Variants in EIF2B1 observed in about 807,000 individuals in gnomAD.
EIF2B1 encodes translation initiation factor eIF2B subunit alpha.
Under a neutral mutation model 36.8 loss-of-function variants are expected in EIF2B1, and 30 were observed. That is an observed-to-expected ratio of 0.81 (90% CI 0.61 to 1.10). EIF2B1 has a LOEUF of 1.10. EIF2B1 is among the 50% of genes least tolerant of loss of function. The pLI, the probability that EIF2B1 is intolerant of heterozygous loss-of-function variation, is 0.00. For synonymous variants in EIF2B1, 139 were observed against 142.2 expected (o/e 0.98, Z 0.16); for missense variants, 271 against 374.8 (o/e 0.72, Z 2.29).
rs1955059112 is a variant in EIF2B1, at chr12:123,620,585, TA to T, written c.*1170del. On this transcript the variant is annotated 3_prime_UTR_variant, in exon 9 of 9. Coordinates refer to ENST00000424014, the MANE Select transcript of EIF2B1 (RefSeq NM_001414.4). ...CATATAGACATATGTACATATTATA[TA>T]TATATATATATATATATATATATAT... is the stretch of plus-strand genomic sequence containing the variant. The T allele has an allele frequency of 1.1e-4, 4 of 35,956 alleles. No individual in the cohort carries two copies. In the South Asian group the frequency reaches 2.9e-3, roughly 26 times the overall value. 2.2% of individuals were successfully genotyped at this position (35,956 alleles called of 1,614,324 possible). A position where few individuals can be genotyped will look rare whatever the true frequency, so the allele number is the denominator to read the frequency against.
At chr12:123,624,139 A>T (rs1566214642) in intron 7 of EIF2B1, among the ~76,000 whole-genome samples, 1 of 148,770 alleles carries the variant, frequency 6.7e-6, no homozygotes, top group African/African-American at 2.5e-5. Context: ...TTGTGTATAT[A>T]TATTATGTGT....
In EIF2B1 at chr12:123,626,394, G is replaced by A. The variant is rs375884336; in HGVS notation, c.551+31C>T. 11 of 1,613,606 alleles carry A rather than the reference G, an allele frequency of 6.8e-6. No homozygotes were observed. The African/African-American group carries it at 9.3e-5, about 14-fold the overall frequency. ...TGTAAGCCAGCATGGGGTGGGGGAG[G>A]TGATTATGGCTGGGGAAGATGGGCA... On this transcript the variant is annotated intron_variant, in intron 6 of 8. Transcript: ENST00000424014.
intron 8 of EIF2B1, 73 bp downstream of exon 8, chr12:123,622,563 C>T: frequency 6.3e-7 from 1 of 1,599,928 alleles, no homozygotes; most frequent in Non-Finnish European, 8.5e-7. Context: ...ATTACTGGAA[C>T]ATTCTTAGGA....
intron 4 of EIF2B1, among the ~76,000 whole-genome samples, chr12:123,629,215 G>A (rs547696783): frequency 1.3e-5 from 2 of 152,288 alleles, no homozygotes; most frequent in East Asian, 3.9e-4. Context: ...GCAAAAGGAC[G>A]TATGCTGGTG....
Position 123,620,712 on chromosome 12 carries a change from T to C in EIF2B1, c.*1044A>G, listed in dbSNP as rs113933929. The C allele has an allele frequency of 6.7e-6, 1 of 148,616 alleles. No homozygotes were observed. The highest frequency in any genetic ancestry group is 2.5e-5 in the African/African-American group (1 of 40,610). The allele number at this position is 148,616 out of a possible 1,614,324, so 9.2% of individuals were successfully genotyped here. On this transcript the variant is annotated 3_prime_UTR_variant, in exon 9 of 9. Transcript: ENST00000424014. ...TCTTGACTTCTGATTTTCAAAACCA[T>C]TCCTCAGTATCTTCAGGCATTTGAC...
At chr12:123,622,800 G>A (rs1218520520) in intron 7 of EIF2B1, 39 bp from the exon 8 acceptor site, 1 of 1,611,516 alleles carries the variant, frequency 6.2e-7, no homozygotes, top group Non-Finnish European at 8.5e-7. Context: ...GCTCTAGAGT[G>A]CATCTGAAGT....
chr12:123,631,056 A>C (rs944926684), intron 2 of EIF2B1, among the ~76,000 whole-genome samples: 3 of 152,236 alleles, frequency 2.0e-5, no homozygotes, highest in African/African-American at 4.8e-5. Context: ...GGGGATCACA[A>C]TAAATAATAC....
intron 4 of EIF2B1, among the ~76,000 whole-genome samples, chr12:123,628,335 A>G (rs1283936325): frequency 6.7e-6 from 1 of 148,544 alleles, no homozygotes; most frequent in Non-Finnish European, 1.5e-5. Flanking sequence ...AAGCCACCAC[A>G]GTAGGCCCAT....
At chr12:123,627,206 TCACACCCTCTGCACTGCGG>T (rs1473434841) in intron 4 of EIF2B1, 50 bp from the exon 5 acceptor site, 3 of 1,434,354 alleles carry the variant, frequency 2.1e-6, no homozygotes, top group Admixed American at 1.7e-5. Flanking sequence ...TGCTGCTCAC[TCACACCCTCTGCACTGCGG>T]CACGTGTTCC....
At chr12:123,628,717 C>A (rs1483567512) in intron 4 of EIF2B1, among the ~76,000 whole-genome samples, 1 of 152,082 alleles carries the variant, frequency 6.6e-6, no homozygotes, top group Admixed American at 6.6e-5. Flanking sequence ...GACAAGGGGG[C>A]AGAACCAGCT....
intron 6 of EIF2B1, 34 bp downstream of exon 6, chr12:123,626,391 G>A: frequency 6.2e-7 from 1 of 1,613,448 alleles, no homozygotes. Context: ...TGGGGTGGGG[G>A]AGGTGATTAT....
At chr12:123,626,223 C>T in intron 6 of EIF2B1, 2 of 612,810 alleles carry the variant, frequency 3.3e-6, no homozygotes, top group South Asian at 3.9e-5. Flanking sequence ...CCCACTCTCC[C>T]CAACATCCTA....
chr12:123,630,246 CT>C lies in EIF2B1; in HGVS notation c.291del (p.Glu98AsnfsTer29). The C allele has an allele frequency of 6.2e-7, 1 of 1,614,118 alleles. No homozygotes were observed. The highest frequency in any genetic ancestry group is 8.5e-7 in the Non-Finnish European group (1 of 1,180,042). On this transcript the variant is annotated frameshift_variant, in exon 4 of 9. Coordinates refer to ENST00000424014, the MANE Select transcript of EIF2B1 (RefSeq NM_001414.4). LOFTEE classifies it high-confidence loss of function. This position sits in a 1 kb window ranked among gnomAD's most constrained non-coding sequence, Gnocchi z 4.6. ...AGTGATATTCTCCTGAGAAAAAGTT[CT>C]CCCCGCTCAATCATGATCTTTTTAC... ...SKCKKIMIER[G>X]ELFLRRISLS...
rs1955180785 is a variant in EIF2B1, at chr12:123,630,635, T to C, written c.116-102A>G. ...ATTCAGTGAATATTTACTAGGTACA[T>C]ACTATATACCAGGCACTATTCTAGA... On this transcript the variant is annotated intron_variant, in intron 2 of 8. Coordinates refer to ENST00000424014, the MANE Select transcript of EIF2B1 (RefSeq NM_001414.4). This position sits in a 1 kb window ranked among gnomAD's most constrained non-coding sequence, Gnocchi z 4.6. 5 of 1,495,182 alleles carry C rather than the reference T, an allele frequency of 3.3e-6. No individual in the cohort carries two copies. The highest frequency in any genetic ancestry group is 2.2e-4 in the Middle Eastern group (1 of 4,500). The allele number at this position is 1,495,182 out of a possible 1,614,324, so 92.6% of individuals were successfully genotyped here. A position where few individuals can be genotyped will look rare whatever the true frequency, so the allele number is the denominator to read the frequency against.
chr12:123,632,290 A>AT, intron 2 of EIF2B1, 55 bp downstream of exon 2: 5 of 1,184,846 alleles, frequency 4.2e-6, no homozygotes, highest in Non-Finnish European at 6.1e-6. Flanking sequence ...AAAAAAGAAA[A>AT]GAAAAAAAAG....
chr12:123,629,835 G>A (rs1955174914), intron 4 of EIF2B1, among the ~76,000 whole-genome samples: 2 of 152,202 alleles, frequency 1.3e-5, no homozygotes, highest in East Asian at 1.9e-4. Flanking sequence ...AGAATCACAC[G>A]TGCTGTCCCA....
chr12:123,631,490 T>C (rs57890199), intron 2 of EIF2B1, among the ~76,000 whole-genome samples: 1,611 of 151,784 alleles, frequency 0.011, 27 homozygotes, highest in African/African-American at 0.036. Context: ...GTGGCCAACA[T>C]GGTGAAACCC....
In EIF2B1 at chr12:123,624,877, AG is replaced by A; in HGVS notation, c.552-16del. 6.2e-7 allele frequency: 1 copy of A among 1,611,752 alleles called. No individual in the cohort carries two copies. The highest frequency in any genetic ancestry group is 8.5e-7 in the Non-Finnish European group (1 of 1,177,898). On this transcript the variant is annotated splice_polypyrimidine_tract_variant and intron_variant, in intron 6 of 8. Transcript: ENST00000424014. ...CCATGATGTAGCTAAGGGGAAAAAA[AG>A]CTTTTCATGCTTTATTTTCTTGGCT...
intron 7 of EIF2B1, among the ~76,000 whole-genome samples, chr12:123,624,004 T>C (rs1199941439): frequency 1.3e-5 from 2 of 151,516 alleles, no homozygotes; most frequent in Admixed American, 1.3e-4. Context: ...TGTACTACAC[T>C]ACAGCCTGGG....
Sources: allele counts gnomAD v4.1 joint callset (sites outside exome capture counted in the v4.1 genomes callset), GRCh38; gene constraint gnomAD v4.1.1; non-coding constraint Gnocchi (gnomAD v3.1); transcripts MANE v1.5; gene names NCBI Gene and HGNC (gene_info 2026-07-23, HGNC 2026-07-21).